The following TLK1 variants were observed in gnomAD, a reference collection of about 807,000 sequenced individuals.
The protein encoded by TLK1 is serine/threonine-protein kinase tousled-like 1.
In TLK1, 24 loss-of-function variants were observed where a neutral mutation model predicts 105.3. That is an observed-to-expected ratio of 0.23 (90% CI 0.17 to 0.32). The LOEUF is 0.32. TLK1 is among the 10% of genes least tolerant of loss of function. The probability of loss-of-function intolerance (pLI) is 1.00; values close to 1 mark genes in which losing one functional copy is unlikely to be tolerated. For missense variants in TLK1, 558 were observed against 910.5 expected, an observed-to-expected ratio of 0.61 and a Z score of 4.98; for synonymous variants, 321 against 310.4, an observed-to-expected ratio of 1.03 and a Z score of -0.36.
At chr2:171,148,890 A>AAAAAT (rs1445171800) in intron 1 of TLK1, among the ~76,000 whole-genome samples, 2 of 138,470 alleles carry the variant, frequency 1.4e-5, no homozygotes, top group African/African-American at 2.7e-5. Context: ...AAAAAAAAAA[A>AAAAAT]ATATATATAT....
intron 1 of TLK1, among the ~76,000 whole-genome samples, chr2:171,144,601 A>T (rs1176414711): frequency 6.6e-6 from 1 of 152,200 alleles, no homozygotes; most frequent in Non-Finnish European, 1.5e-5. Context: ...AAGAAAAATT[A>T]GAAAATACTT....
intron 1 of TLK1, among the ~76,000 whole-genome samples, chr2:171,195,501 C>CAAAAA (rs55835853): frequency 1.5e-5 from 1 of 66,294 alleles, no homozygotes; most frequent in Non-Finnish European, 3.1e-5. Context: ...GACTCTGTCT[C>CAAAAA]AAAAAAAAAA....
chr2:171,154,715 ATTTAT>A (rs543687248), intron 1 of TLK1, among the ~76,000 whole-genome samples: 117 of 152,336 alleles, frequency 7.7e-4, no homozygotes, highest in Non-Finnish European at 1.0e-3. Flanking sequence ...TATTCCTGTA[ATTTAT>A]TTTAAGATTC....
intron 1 of TLK1, among the ~76,000 whole-genome samples, chr2:171,121,347 C>T (rs1041076515): frequency 6.6e-6 from 1 of 152,080 alleles, no homozygotes; most frequent in Non-Finnish European, 1.5e-5. Context: ...GCCTGAGCAA[C>T]GTGGCAAAAC....
intron 7 of TLK1, 189 bp downstream of exon 7, chr2:171,054,894 A>T: frequency 2.7e-6 from 1 of 372,934 alleles, no homozygotes; most frequent in Non-Finnish European, 4.9e-6. Context: ...AAAAGCTGAT[A>T]GTAAATTGTG....
chr2:171,182,151 T>C (rs1167106470), intron 1 of TLK1, among the ~76,000 whole-genome samples: 3 of 152,154 alleles, frequency 2.0e-5, no homozygotes, highest in African/African-American at 7.2e-5. Context: ...TGCTAACAAA[T>C]GTAGATGGAA....
intron 1 of TLK1, among the ~76,000 whole-genome samples, chr2:171,193,000 C>T (rs1435257090): frequency 2.0e-5 from 3 of 152,174 alleles, no homozygotes; most frequent in Non-Finnish European, 4.4e-5. Flanking sequence ...TTTTTAGTTA[C>T]AGAATCTATT....
At chr2:171,169,676 T>C (rs1231873344) in intron 1 of TLK1, among the ~76,000 whole-genome samples, 1 of 152,168 alleles carries the variant, frequency 6.6e-6, no homozygotes, top group Non-Finnish European at 1.5e-5. Context: ...CCAAACGTTT[T>C]ATAGGAATAG....
intron 1 of TLK1, among the ~76,000 whole-genome samples, chr2:171,198,562 A>T (rs1027110552): frequency 2.6e-5 from 4 of 152,240 alleles, no homozygotes; most frequent in Admixed American, 6.5e-5. Context: ...GAGCCATTAA[A>T]ACTATTCAAT....
At chr2:171,227,126 G>C (rs1693911464) in intron 1 of TLK1, among the ~76,000 whole-genome samples, 1 of 151,996 alleles carries the variant, frequency 6.6e-6, no homozygotes, top group African/African-American at 2.4e-5. Flanking sequence ...CTTTCTATTG[G>C]TAAAAGTGTC....
chr2:171,148,487 A>G (rs1293551950), intron 1 of TLK1, among the ~76,000 whole-genome samples: 1 of 152,036 alleles, frequency 6.6e-6, no homozygotes, highest in African/African-American at 2.4e-5. Context: ...GAGACAAAAA[A>G]CAAGCTAATA....
intron 1 of TLK1, among the ~76,000 whole-genome samples, chr2:171,183,744 C>T (rs1299106308): frequency 6.6e-6 from 1 of 152,132 alleles, no homozygotes; most frequent in Non-Finnish European, 1.5e-5. Context: ...GAAAGTCTTC[C>T]TTATTTAAAG....
intron 11 of TLK1, among the ~76,000 whole-genome samples, chr2:171,041,438 C>A (rs1026213300): frequency 2.0e-5 from 3 of 152,176 alleles, no homozygotes; most frequent in Non-Finnish European, 4.4e-5. Context: ...ACCCCTGGGC[C>A]ACAGACCTGT....
chr2:171,177,668 T>C (rs893664157), intron 1 of TLK1, among the ~76,000 whole-genome samples: 2 of 152,192 alleles, frequency 1.3e-5, no homozygotes, highest in Admixed American at 6.5e-5. Flanking sequence ...AGTACAGCAA[T>C]GTTTAGACTC....
chr2:171,007,539 C>T (rs781731094), intron 14 of TLK1, among the ~76,000 whole-genome samples: 1 of 151,846 alleles, frequency 6.6e-6, no homozygotes, highest in African/African-American at 2.4e-5. Flanking sequence ...TTGAAAAAAA[C>T]TCGTTATTAT....
chr2:171,100,075 A>G (rs560277926), intron 2 of TLK1, among the ~76,000 whole-genome samples: 1 of 152,302 alleles, frequency 6.6e-6, no homozygotes, highest in Admixed American at 6.5e-5. Context: ...GAAATAACCC[A>G]ATTTTAAAAT....
At chr2:171,227,627 G>A (rs1575666184) in intron 1 of TLK1, among the ~76,000 whole-genome samples, 1 of 80,576 alleles carries the variant, frequency 1.2e-5, no homozygotes, top group Non-Finnish European at 2.3e-5. Flanking sequence ...TCTTTCACTT[G>A]CAACTGTAAA....
chr2:171,127,298 GA>G (rs945001460), intron 1 of TLK1, among the ~76,000 whole-genome samples: 1 of 130,456 alleles, frequency 7.7e-6, no homozygotes, highest in Non-Finnish European at 1.7e-5. Context: ...AAAAAAGAAA[GA>G]AAAAATTCAA....
intron 1 of TLK1, among the ~76,000 whole-genome samples, chr2:171,166,783 G>A (rs529591779): frequency 1.3e-5 from 2 of 152,206 alleles, no homozygotes; most frequent in Non-Finnish European, 2.9e-5. Flanking sequence ...GAATGTCCGC[G>A]GCACTACTGT....
Sources: gnomAD v4.1 joint callset for allele counts (sites outside exome capture counted in the v4.1 genomes callset) on GRCh38, gnomAD v4.1.1 for gene constraint, MANE v1.5 for transcripts, NCBI Gene and HGNC (gene_info 2026-07-23, HGNC 2026-07-21) for gene names.